MARK1: variants seen among roughly 807,000 people sequenced by gnomAD.
MARK1 encodes serine/threonine-protein kinase MARK1.
MARK1 carries 40 observed loss-of-function variants against 96.3 expected under a neutral mutation model. The ratio of observed to expected loss-of-function variants is 0.42; its 90% CI spans 0.32 to 0.54. The LOEUF (loss-of-function observed/expected upper bound fraction) is 0.54, where lower values mean the gene tolerates loss of function less well. MARK1 is among the 20% of genes least tolerant of loss of function. The probability of loss-of-function intolerance (pLI) is 0.16; values close to 1 mark genes in which losing one functional copy is unlikely to be tolerated. For synonymous variants in MARK1, 317 were observed against 341.2 expected, an observed-to-expected ratio of 0.93 and a Z score of 0.78; for missense variants, 719 against 984.6, an observed-to-expected ratio of 0.73 and a Z score of 3.61.
At chr1:220,626,268 C>A in intron 9 of MARK1, 2 of 530,136 alleles carry the variant, frequency 3.8e-6, no homozygotes, top group South Asian at 1.5e-5. Context: ...TTGATATTCA[C>A]CACGGCGATG....
chr1:220,593,449 C>G (rs1665125979), intron 3 of MARK1, among the ~76,000 whole-genome samples: 1 of 152,126 alleles, frequency 6.6e-6, no homozygotes. Flanking sequence ...CTAGAATCAT[C>G]AGATTTGTGA....
rs1025644925 is a variant in MARK1, at chr1:220,663,730, T to A, written c.*1564T>A. The A allele has an allele frequency of 3.3e-5, 5 of 152,480 alleles. No homozygotes were observed. Among genetic ancestry groups the A allele is most frequent in the African/African-American group, 4.8e-5 (2 of 41,410 alleles). The allele number at this position is 152,480 out of a possible 1,614,324, so 9.4% of individuals were successfully genotyped here. Reference sequence around the variant, plus strand: ...TGTACTGTGATGTAGCTTTCTTCTGTAACAGTTATGTTTTAAAATTAAGTG... The same window carrying A: ...TGTACTGTGATGTAGCTTTCTTCTGAAACAGTTATGTTTTAAAATTAAGTG... On this transcript the variant is annotated 3_prime_UTR_variant, in exon 18 of 18. Coordinates refer to ENST00000366917, the MANE Select transcript of MARK1 (RefSeq NM_018650.5).
chr1:220,613,048 C>G (rs77163101), intron 6 of MARK1, among the ~76,000 whole-genome samples: 4 of 152,180 alleles, frequency 2.6e-5, no homozygotes, highest in Non-Finnish European at 4.4e-5. Context: ...TGTGGTCTTA[C>G]CGTCAGTACC....
At chr1:220,554,778 T>C (rs895505741) in intron 1 of MARK1, among the ~76,000 whole-genome samples, 10 of 152,198 alleles carry the variant, frequency 6.6e-5, no homozygotes, top group African/African-American at 2.4e-4. Context: ...AACTTAACTG[T>C]CATTTTACAA....
At chr1:220,619,395 A>T (rs575096434) in intron 9 of MARK1, among the ~76,000 whole-genome samples, 8 of 152,306 alleles carry the variant, frequency 5.3e-5, no homozygotes, top group Admixed American at 3.9e-4. Flanking sequence ...AATGGCGTGA[A>T]CTTGGGAGGC....
intron 6 of MARK1, among the ~76,000 whole-genome samples, chr1:220,611,078 C>T (rs1269778069): frequency 1.3e-5 from 2 of 152,188 alleles, no homozygotes; most frequent in African/African-American, 4.8e-5. Flanking sequence ...AGCTCAAACA[C>T]CATGCTGGGA....
chr1:220,542,511 C>T (rs572033899), intron 1 of MARK1, among the ~76,000 whole-genome samples: 15 of 152,280 alleles, frequency 9.9e-5, no homozygotes, highest in African/African-American at 3.4e-4. Context: ...ATTGAGGATG[C>T]TTCCTTCAGA....
At chr1:220,633,422 G>A (rs569152552) in intron 11 of MARK1, among the ~76,000 whole-genome samples, 10 of 152,144 alleles carry the variant, frequency 6.6e-5, no homozygotes, top group South Asian at 6.2e-4. Context: ...TTATAATTCC[G>A]TAGTAACTGT....
intron 3 of MARK1, among the ~76,000 whole-genome samples, chr1:220,592,192 G>T (rs1369829261): frequency 6.7e-6 from 1 of 148,820 alleles, no homozygotes; most frequent in East Asian, 1.9e-4. Flanking sequence ...GGGAAAAGGT[G>T]ATGGAATTTC....
chr1:220,529,245 A>G (rs890035125), intron 1 of MARK1, among the ~76,000 whole-genome samples: 4 of 152,060 alleles, frequency 2.6e-5, no homozygotes, highest in African/African-American at 4.8e-5. Context: ...TTGCTTTACA[A>G]TAGCAGACGA....
At chr1:220,627,214 A>G (rs1667396804) in intron 9 of MARK1, 1 of 478,628 alleles carries the variant, frequency 2.1e-6, no homozygotes, top group Non-Finnish European at 4.2e-6. Context: ...TGACAAATGG[A>G]TCTCGATCTG....
At chr1:220,638,976 G>C (rs1271605044) in intron 13 of MARK1, among the ~76,000 whole-genome samples, 1 of 152,158 alleles carries the variant, frequency 6.6e-6, no homozygotes, top group Non-Finnish European at 1.5e-5. Flanking sequence ...GGGTGCAGTG[G>C]CTCATGACTG....
At chr1:220,530,571 T>C (rs1025899137) in intron 1 of MARK1, among the ~76,000 whole-genome samples, 3 of 152,222 alleles carry the variant, frequency 2.0e-5, no homozygotes, top group African/African-American at 7.2e-5. Context: ...AGTATAGCTT[T>C]TCTCATACTT....
In MARK1 at chr1:220,528,832, C is replaced by A; in HGVS notation, c.10C>A (p.Arg4=). Residue 4 remains arginine, a synonymous_variant, in exon 1 of 18, where the codon CGG becomes AGG. Transcript: ENST00000366917. Reference sequence around the variant, plus strand: ...CCGCTGCCCGCACAAAATGTCGGCCCGGACGCCATTGCCGACGGTGAACGA... The same window carrying A: ...CCGCTGCCCGCACAAAATGTCGGCCAGGACGCCATTGCCGACGGTGAACGA... MSA[R]TPLPTVNERD... is the part of the protein sequence containing the mutation. 6.4e-7 allele frequency: 1 copy of A among 1,563,826 alleles called. No homozygotes were observed. Among genetic ancestry groups the A allele is most frequent in the East Asian group, 2.4e-5 (1 of 41,728 alleles).
At chr1:220,649,206 C>T (rs914215779) in intron 13 of MARK1, among the ~76,000 whole-genome samples, 4 of 151,754 alleles carry the variant, frequency 2.6e-5, no homozygotes, top group African/African-American at 9.7e-5. Context: ...ATTTTCTTTG[C>T]CTTAATAACA....
At chr1:220,624,765 T>G (rs1558306275) in intron 9 of MARK1, among the ~76,000 whole-genome samples, 1 of 152,180 alleles carries the variant, frequency 6.6e-6, no homozygotes, top group Non-Finnish European at 1.5e-5. Flanking sequence ...CATCAGAAAG[T>G]TATTTTCATT....
chr1:220,644,450 C>CA (rs1491512374), intron 13 of MARK1, among the ~76,000 whole-genome samples: 114 of 3,356 alleles, frequency 0.034, no homozygotes, highest in Non-Finnish European at 0.047. Flanking sequence ...GAGACTTAGA[C>CA]CCCCCCCCCC....
intron 1 of MARK1, among the ~76,000 whole-genome samples, chr1:220,576,362 G>A (rs548354306): frequency 3.0e-4 from 46 of 151,080 alleles, no homozygotes; most frequent in Admixed American, 4.0e-4. Context: ...GACACAACAA[G>A]GCCTCTTGAA....
chr1:220,612,326 G>A (rs1666492892), intron 6 of MARK1, among the ~76,000 whole-genome samples: 1 of 152,068 alleles, frequency 6.6e-6, no homozygotes, highest in South Asian at 2.1e-4. Flanking sequence ...TTGGGACATA[G>A]GTATTTTAAT....
Sources: allele counts gnomAD v4.1 joint callset (sites outside exome capture counted in the v4.1 genomes callset), GRCh38; gene constraint gnomAD v4.1.1; transcripts MANE v1.5; gene names NCBI Gene and HGNC (gene_info 2026-07-23, HGNC 2026-07-21).